Variants in TCF4 observed in about 807,000 individuals in gnomAD.
The protein encoded by TCF4 is SL3-3 enhancer factor 2.
Under a neutral mutation model 82.1 loss-of-function variants are expected in TCF4, and 3 were observed. The observed-to-expected ratio is 0.04, with a 90% confidence interval of 0.02 to 0.09. The LOEUF (loss-of-function observed/expected upper bound fraction) is 0.09. Among genes scored for constraint, TCF4 ranks in the 10% least tolerant of loss-of-function variants. The probability of loss-of-function intolerance (pLI) is 1.00; values close to 1 mark genes in which losing one functional copy is unlikely to be tolerated. For missense variants in TCF4, 518 were observed against 852.7 expected (o/e 0.61, Z 4.89); for synonymous variants, 276 against 309.6 (o/e 0.89, Z 1.14).
At chr18:55,322,105 C>CA in intron 8 of TCF4, 2 of 872,040 alleles carry the variant, frequency 2.3e-6, no homozygotes, top group Non-Finnish European at 2.7e-6. Flanking sequence ...TTTTTTTTTC[C>CA]TTTTTTTTTT....
intron 9 of TCF4, among the ~76,000 whole-genome samples, chr18:55,279,111 C>T (rs929646489): frequency 1.3e-5 from 2 of 152,126 alleles, no homozygotes; most frequent in Non-Finnish European, 2.9e-5. Flanking sequence ...TTGTTCTTAC[C>T]TACAAATTAG....
chr18:55,493,552 T>G (rs949528995), intron 3 of TCF4, among the ~76,000 whole-genome samples: 3 of 152,160 alleles, frequency 2.0e-5, no homozygotes, highest in African/African-American at 7.2e-5. Context: ...ATGAAATACA[T>G]TAAAAGCAAA....
chr18:55,594,800 AC>A (rs781109040), intron 2 of TCF4, among the ~76,000 whole-genome samples: 35 of 152,296 alleles, frequency 2.3e-4, no homozygotes, highest in South Asian at 1.4e-3. Context: ...AGAGGAGGAG[AC>A]TGACGCAGCC....
chr18:55,508,087 A>G (rs1390521392), intron 3 of TCF4, among the ~76,000 whole-genome samples: 2 of 152,100 alleles, frequency 1.3e-5, no homozygotes, highest in Admixed American at 1.3e-4. Context: ...CAGCAGTGGA[A>G]AAAGGCAGCC....
chr18:55,341,100 A>C (rs1478847289), intron 8 of TCF4, among the ~76,000 whole-genome samples: 2 of 152,254 alleles, frequency 1.3e-5, no homozygotes, highest in Non-Finnish European at 2.9e-5. Flanking sequence ...TATTGTAGAT[A>C]GTCAAATACT....
At chr18:55,616,706 T>C (rs750841561) in intron 2 of TCF4, among the ~76,000 whole-genome samples, 68 of 152,244 alleles carry the variant, frequency 4.5e-4, no homozygotes, top group Admixed American at 7.9e-4. Context: ...ACTAGTCATG[T>C]TGAGCATCTT....
intron 16 of TCF4, chr18:55,234,344 A>G: frequency 1.5e-6 from 1 of 671,876 alleles, no homozygotes; most frequent in South Asian, 1.9e-5. Context: ...ATTTCAGAGG[A>G]TGTTTGAGGA....
At chr18:55,542,883 T>C (rs2097176219) in intron 3 of TCF4, among the ~76,000 whole-genome samples, 1 of 152,124 alleles carries the variant, frequency 6.6e-6, no homozygotes, top group South Asian at 2.1e-4. Flanking sequence ...TAATTAAACA[T>C]CTAAAACTCT....
upstream of TCF4, chr18:55,589,675 G>A (rs2097680030): frequency 5.8e-6 from 6 of 1,037,998 alleles, no homozygotes; most frequent in South Asian, 4.6e-5. Flanking sequence ...CAAGTTTAGA[G>A]GTGTCTCATC....
At chr18:55,374,629 G>A (rs999512262) in intron 6 of TCF4, among the ~76,000 whole-genome samples, 13 of 151,824 alleles carry the variant, frequency 8.6e-5, no homozygotes, top group Admixed American at 6.6e-5. Context: ...TGCCAGGCGC[G>A]GTGGCTCACA....
intron 3 of TCF4, among the ~76,000 whole-genome samples, chr18:55,474,208 G>A (rs1419489808): frequency 6.6e-6 from 1 of 152,110 alleles, no homozygotes; most frequent in East Asian, 1.9e-4. Flanking sequence ...TGGATCACGG[G>A]AAAATCTATT....
intron 3 of TCF4, chr18:55,551,789 G>T (rs2097262825): frequency 6.6e-6 from 1 of 152,098 alleles, no homozygotes; most frequent in Non-Finnish European, 1.5e-5. Context: ...AAGGAAATAG[G>T]ACTTTTTTTT....
At chr18:55,468,891 C>CCCGA (rs763484029) in intron 3 of TCF4, among the ~76,000 whole-genome samples, 5 of 127,694 alleles carry the variant, frequency 3.9e-5, no homozygotes, top group East Asian at 2.6e-4. Context: ...GCCCCCCCCC[C>CCCGA]CCTTGTTCTA....
At chr18:55,412,083 C>T (rs1425298395) in intron 5 of TCF4, among the ~76,000 whole-genome samples, 1 of 152,048 alleles carries the variant, frequency 6.6e-6, no homozygotes, top group African/African-American at 2.4e-5. Flanking sequence ...GTTATTCTGA[C>T]CAGCTAGGGA....
At chr18:55,272,598 A>G (rs2060614319) in intron 10 of TCF4, among the ~76,000 whole-genome samples, 7 of 152,148 alleles carry the variant, frequency 4.6e-5, no homozygotes, top group Admixed American at 4.6e-4. Context: ...AACATTAGAA[A>G]AATATAATAA....
intron 15 of TCF4, 136 bp downstream of exon 15, chr18:55,254,361 T>A: frequency 1.2e-6 from 1 of 801,708 alleles, no homozygotes; most frequent in Non-Finnish European, 2.1e-6. Context: ...ATTGTACACC[T>A]GAAATGGGCT....
chr18:55,372,711 C>T (rs934176230), intron 6 of TCF4, among the ~76,000 whole-genome samples: 36 of 151,896 alleles, frequency 2.4e-4, no homozygotes, highest in African/African-American at 7.0e-4. Flanking sequence ...GGCAAGGAAA[C>T]GCTAGTAGAC....
At chr18:55,233,738 G>A (rs191316300) in intron 16 of TCF4, among the ~76,000 whole-genome samples, 2 of 149,546 alleles carry the variant, frequency 1.3e-5, no homozygotes, top group East Asian at 3.9e-4. Context: ...AGAATCGCTT[G>A]AACCTGGGAG....
intron 8 of TCF4, among the ~76,000 whole-genome samples, chr18:55,329,441 C>T (rs1238316943): frequency 6.6e-6 from 1 of 152,106 alleles, no homozygotes; most frequent in East Asian, 1.9e-4. Flanking sequence ...GAGTAAATCC[C>T]ACGAGTAATC....
Sources: allele counts gnomAD v4.1 joint callset (sites outside exome capture counted in the v4.1 genomes callset), GRCh38; gene constraint gnomAD v4.1.1; transcripts MANE v1.5; gene names NCBI Gene and HGNC (gene_info 2026-07-23, HGNC 2026-07-21).